KCNT2: variants seen among roughly 807,000 people sequenced by gnomAD.
KCNT2 encodes the protein potassium sodium-activated channel subfamily T member 2, also known as potassium channel subfamily T member 2.
KCNT2 carries 67 observed loss-of-function variants against 153.8 expected under a neutral mutation model. That is an observed-to-expected ratio of 0.44 (90% confidence interval 0.36 to 0.53). KCNT2 has a LOEUF of 0.53. Among genes scored for constraint, KCNT2 ranks in the 20% least tolerant of loss-of-function variants. KCNT2 has a pLI of 0.00. For missense variants in KCNT2, 975 were observed against 1,354.8 expected, an observed-to-expected ratio of 0.72 and a Z score of 4.40; for synonymous variants, 500 against 458.8, an observed-to-expected ratio of 1.09 and a Z score of -1.15.
chr1:196,283,757 GC>G (rs1659351636), intron 23 of KCNT2, among the ~76,000 whole-genome samples: 1 of 151,972 alleles, frequency 6.6e-6, no homozygotes, highest in Non-Finnish European at 1.5e-5. Context: ...ATGAATTAAT[GC>G]CAGCAATTTT....
intron 25 of KCNT2, among the ~76,000 whole-genome samples, chr1:196,266,704 A>G (rs1657573009): frequency 6.6e-6 from 1 of 152,166 alleles, no homozygotes; most frequent in African/African-American, 2.4e-5. Flanking sequence ...TTAATAGTCA[A>G]ATTTGGCCTG....
intron 12 of KCNT2, among the ~76,000 whole-genome samples, chr1:196,421,789 G>A (rs1245788549): frequency 3.3e-5 from 5 of 151,994 alleles, no homozygotes; most frequent in Non-Finnish European, 5.9e-5. Context: ...ACTGGAATTC[G>A]GAAATCAAGT....
At chr1:196,435,135 GTATGTATATATATATATATATATATA>G (rs71154743) in intron 8 of KCNT2, among the ~76,000 whole-genome samples, 14 of 76,872 alleles carry the variant, frequency 1.8e-4, no homozygotes, top group Admixed American at 1.4e-3. Context: ...GTGTGTGTGT[GTATGTATATATATATATATATATATA>G]TATATATATA....
At chr1:196,294,377 G>C (rs1660487202) in intron 22 of KCNT2, among the ~76,000 whole-genome samples, 1 of 152,114 alleles carries the variant, frequency 6.6e-6, no homozygotes, top group African/African-American at 2.4e-5. Flanking sequence ...CCTGGTTCAA[G>C]CGATTCTCCT....
At chr1:196,566,319 T>A (rs140777522) in intron 1 of KCNT2, among the ~76,000 whole-genome samples, 1 of 152,018 alleles carries the variant, frequency 6.6e-6, no homozygotes, top group Non-Finnish European at 1.5e-5. Flanking sequence ...GTTTGAGTGA[T>A]TACATAGGCA....
At chr1:196,273,570 T>A in intron 25 of KCNT2, 1 of 993,106 alleles carries the variant, frequency 1.0e-6, no homozygotes, top group Non-Finnish European at 1.5e-6. Flanking sequence ...CAACAATCAG[T>A]AACAAGGACA....
At chr1:196,433,807 T>C (rs1674371917) in intron 8 of KCNT2, among the ~76,000 whole-genome samples, 1 of 151,830 alleles carries the variant, frequency 6.6e-6, no homozygotes. Flanking sequence ...TGTCTTTATG[T>C]ATATATATAT....
intron 14 of KCNT2, among the ~76,000 whole-genome samples, chr1:196,362,539 G>C (rs369625064): frequency 1.3e-5 from 2 of 152,066 alleles, no homozygotes; most frequent in East Asian, 3.9e-4. Flanking sequence ...TGGGTTCAAG[G>C]CAGTAAGAGA....
intron 13 of KCNT2, among the ~76,000 whole-genome samples, chr1:196,377,416 T>C (rs1304857861): frequency 6.6e-6 from 1 of 151,788 alleles, no homozygotes; most frequent in East Asian, 1.9e-4. Context: ...GAAGAGACAG[T>C]CACAAAATTT....
chr1:196,328,611 T>C (rs1664118513), intron 18 of KCNT2, among the ~76,000 whole-genome samples: 1 of 148,622 alleles, frequency 6.7e-6, no homozygotes, highest in Non-Finnish European at 1.5e-5. Flanking sequence ...AGGCAGTAAG[T>C]ACAGTCCTTA....
At chr1:196,466,852 A>C (rs1005297875) in intron 7 of KCNT2, among the ~76,000 whole-genome samples, 1 of 151,960 alleles carries the variant, frequency 6.6e-6, no homozygotes, top group Non-Finnish European at 1.5e-5. Context: ...CTGTGGTAAA[A>C]ATGTTTGGGG....
intron 13 of KCNT2, among the ~76,000 whole-genome samples, chr1:196,380,898 G>C (rs2148367161): frequency 6.6e-6 from 1 of 152,214 alleles, no homozygotes; most frequent in Non-Finnish European, 1.5e-5. Context: ...ACTCGTGTGT[G>C]CATGCGTGCG....
In KCNT2 at chr1:196,340,572, T is replaced by G; in HGVS notation, c.1554-2A>C. ...ACACCAATCAAGCAGACGCCAAACCTTAATTTAAAAAAAAAGAGAGTTTGT... is the reference window on the plus strand; with the variant it reads ...ACACCAATCAAGCAGACGCCAAACCGTAATTTAAAAAAAAAGAGAGTTTGT... On this transcript the variant is annotated splice_acceptor_variant, in intron 15 of 27. Transcript: ENST00000294725. LOFTEE classifies it high-confidence loss of function. 1 of 1,507,710 alleles carries G rather than the reference T, an allele frequency of 6.6e-7. No individual in the cohort carries two copies. The highest frequency in any genetic ancestry group is 8.9e-7 in the Non-Finnish European group (1 of 1,123,924). 93.4% of individuals were successfully genotyped at this position (1,507,710 alleles called of 1,614,324 possible).
Position 196,315,875 on chromosome 1 carries a change from A to C in KCNT2, c.2483+17T>G, listed in dbSNP as rs552284420. The C allele has an allele frequency of 6.3e-7, 1 of 1,594,178 alleles. No individual in the cohort carries two copies. Among genetic ancestry groups the C allele is most frequent in the African/African-American group, 1.3e-5 (1 of 74,156 alleles). On this transcript the variant is annotated intron_variant, in intron 21 of 27. Coordinates refer to ENST00000294725, the MANE Select transcript of KCNT2 (RefSeq NM_198503.5). Reference sequence around the variant, plus strand: ...AGCACAAAGTAAGTGGCAAGGTTGGATGATTCAGCCACTTACCTGAAGAGT... The same window carrying C: ...AGCACAAAGTAAGTGGCAAGGTTGGCTGATTCAGCCACTTACCTGAAGAGT...
intron 1 of KCNT2, among the ~76,000 whole-genome samples, chr1:196,544,516 A>G (rs1572778662): frequency 6.6e-6 from 1 of 152,162 alleles, no homozygotes; most frequent in African/African-American, 2.4e-5. Context: ...AATAATATAT[A>G]CTTCAACTTC....
At chr1:196,235,623 A>G (rs1195639762) in intron 27 of KCNT2, among the ~76,000 whole-genome samples, 7 of 151,424 alleles carry the variant, frequency 4.6e-5, no homozygotes, top group African/African-American at 1.2e-4. Context: ...TGTTTGACCA[A>G]TCACAGTTTG....
At chr1:196,477,039 C>T (rs1163511278) in intron 5 of KCNT2, among the ~76,000 whole-genome samples, 2 of 152,138 alleles carry the variant, frequency 1.3e-5, no homozygotes, top group African/African-American at 4.8e-5. Flanking sequence ...TTTCTAACAT[C>T]CTATGTCTTC....
intron 22 of KCNT2, among the ~76,000 whole-genome samples, chr1:196,290,749 C>T (rs1370281644): frequency 2.0e-5 from 3 of 151,962 alleles, no homozygotes; most frequent in Non-Finnish European, 4.4e-5. Flanking sequence ...TCAATATATT[C>T]ACCCTAACAG....
intron 12 of KCNT2, among the ~76,000 whole-genome samples, chr1:196,412,601 T>C (rs1672429102): frequency 6.6e-6 from 1 of 151,502 alleles, no homozygotes; most frequent in African/African-American, 2.4e-5. Flanking sequence ...TAGTGAGTGG[T>C]AAATAGAAGC....
Sources: allele counts gnomAD v4.1 joint callset (sites outside exome capture counted in the v4.1 genomes callset), GRCh38; gene constraint gnomAD v4.1.1; transcripts MANE v1.5; gene names NCBI Gene and HGNC (gene_info 2026-07-23, HGNC 2026-07-21).